The following ANXA1 variants were observed in gnomAD, a reference collection of about 807,000 sequenced individuals.
The protein encoded by ANXA1 is annexin I (lipocortin I).
Under a neutral mutation model 47.9 loss-of-function variants are expected in ANXA1, and 39 were observed. The ratio of observed to expected loss-of-function variants is 0.81; its 90% confidence interval spans 0.63 to 1.06. ANXA1 has a LOEUF of 1.06. ANXA1 is among the 50% of genes least tolerant of loss of function. ANXA1 has a pLI of 0.00. For synonymous variants in ANXA1, 146 were observed against 142.5 expected, an observed-to-expected ratio of 1.02 and a Z score of -0.17; for missense variants, 446 against 422.7, an observed-to-expected ratio of 1.06 and a Z score of -0.48.
In ANXA1 at chr9:73,162,770, C is replaced by A; in HGVS notation, c.476-12C>A. ...CTGGTTTACTATAAAATCTATTTTTCTTTTTTCTCAGAACTGAAGAGAGAT... is the reference window on the plus strand; with the variant it reads ...CTGGTTTACTATAAAATCTATTTTTATTTTTTCTCAGAACTGAAGAGAGAT... On this transcript the variant is annotated splice_polypyrimidine_tract_variant and intron_variant, in intron 6 of 12. Coordinates refer to ENST00000257497, the MANE Select transcript of ANXA1 (RefSeq NM_000700.3). The A allele has an allele frequency of 6.3e-7, 1 of 1,598,330 alleles. No individual in the cohort carries two copies. The highest frequency in any genetic ancestry group is 8.5e-7 in the Non-Finnish European group (1 of 1,170,870).
intron 5 of ANXA1, 26 bp downstream of exon 5, chr9:73,160,402 C>G: frequency 2.0e-6 from 3 of 1,491,276 alleles, no homozygotes; most frequent in Non-Finnish European, 2.7e-6. Flanking sequence ...TGAGCAAACT[C>G]CTTTCCTCAA....
chr9:73,152,772 T>C (rs1160909909), intron 1 of ANXA1, among the ~76,000 whole-genome samples: 1 of 152,192 alleles, frequency 6.6e-6, no homozygotes, highest in African/African-American at 2.4e-5. Context: ...AGAAGAGTAT[T>C]TACTAGTGTT....
intron 1 of ANXA1, among the ~76,000 whole-genome samples, chr9:73,153,028 G>C (rs1010929961): frequency 3.3e-5 from 5 of 152,172 alleles, no homozygotes; most frequent in African/African-American, 1.2e-4. Context: ...GTAGCTGTAA[G>C]AGAATGCACA....
chr9:73,165,323 A>G (rs1824209603), intron 9 of ANXA1, 114 bp downstream of exon 9: 1 of 729,108 alleles, frequency 1.4e-6, no homozygotes, highest in East Asian at 2.8e-5. Flanking sequence ...CTCCTGTATC[A>G]AACAGATACA....
intron 11 of ANXA1, 117 bp from the exon 12 acceptor site, chr9:73,168,915 A>G (rs1824278301): frequency 2.1e-6 from 1 of 480,070 alleles, no homozygotes; most frequent in South Asian, 2.6e-5. Flanking sequence ...GTGTGTGTAT[A>G]GCTAGTTTCT....
At chr9:73,156,128 TA>T (rs1413230360) in intron 1 of ANXA1, among the ~76,000 whole-genome samples, 21 of 145,460 alleles carry the variant, frequency 1.4e-4, no homozygotes, top group East Asian at 1.4e-3. Context: ...TAATAATAAA[TA>T]AATAATAATA....
intron 1 of ANXA1, chr9:73,158,285 T>G (rs1424487090): frequency 2.3e-6 from 1 of 432,450 alleles, no homozygotes; most frequent in Non-Finnish European, 4.3e-6. Context: ...TAGAACTGAA[T>G]ATGCCAAGAA....
rs772091621 is a variant in ANXA1 at position 73,160,310 on chromosome 9, G to C, written c.318G>C (p.Glu106Asp). The C allele has an allele frequency of 4.5e-5, 72 of 1,585,272 alleles. No homozygotes were observed. The highest frequency in any genetic ancestry group is 6.1e-5 in the Non-Finnish European group (71 of 1,171,186). Residue 106 changes from glutamate (E) to aspartate (D), a missense_variant, in exon 5 of 13, where the codon GAG (glutamate) becomes GAC (aspartate). Physicochemically the swap from Glu to Asp is conservative, Grantham distance 45. Coordinates refer to ENST00000257497, the MANE Select transcript of ANXA1 (RefSeq NM_000700.3). ...AAGCCCTTACAGGTCACCTTGAGGA[G>C]GTTGTTTTAGCTCTGCTAAAAACTC... ...LKKALTGHLE[E>D]VVLALLKTPA...
At chr9:73,163,982 T>C (rs1824186499) in intron 8 of ANXA1, among the ~76,000 whole-genome samples, 1 of 152,144 alleles carries the variant, frequency 6.6e-6, no homozygotes, top group African/African-American at 2.4e-5. Context: ...AACAAGAGTA[T>C]AGGATAAATT....
At chr9:73,160,145 TA>T (rs1237679215) in intron 4 of ANXA1, 117 bp from the exon 5 acceptor site, 3 of 587,196 alleles carry the variant, frequency 5.1e-6, no homozygotes, top group Non-Finnish European at 8.7e-6. Flanking sequence ...GAAGAAGCTC[TA>T]AAAGATGGTT....
rs576077015 is a variant in ANXA1, at chr9:73,160,564, C to T, written c.384+188C>T. Among the ~76,000 whole-genome samples, 56 of 152,168 alleles carry T rather than the reference C, an allele frequency of 3.7e-4. No homozygotes were observed. In the Middle Eastern group the frequency reaches 0.014, roughly 37 times the overall value. On this transcript the variant is annotated intron_variant, in intron 5 of 12. Transcript: ENST00000257497. ...AAAACAGAAATGTTGGCACTAACAC[C>T]TTCCATGTCATGTCACTATATGAGT... is the stretch of plus-strand genomic sequence containing the variant.
At position 73,160,837 on chromosome 9, in the gene ANXA1, T is replaced by G. The variant is rs1328675861; in HGVS notation, c.419T>G (p.Ile140Ser). The change falls in exon 6 of 13, where the codon ATT becomes AGT. Residue 140 changes from isoleucine to serine, a missense_variant. Physicochemically the swap from Ile to Ser is moderately radical, Grantham distance 142 (BLOSUM62 -2). Coordinates refer to ENST00000257497, the MANE Select transcript of ANXA1 (RefSeq NM_000700.3). ...ACTGATGAAGATACTCTAATTGAGA[T>G]TTTGGCATCAAGAACTAACAAAGAA... Reference protein sequence around the residue: ...LGTDEDTLIEILASRTNKEIR... With the variant: ...LGTDEDTLIESLASRTNKEIR... 6.2e-7 allele frequency: 1 copy of G among 1,612,604 alleles called. No individual in the cohort carries two copies. The highest frequency in any genetic ancestry group is 1.1e-5 in the South Asian group (1 of 91,032).
At chr9:73,154,988 T>G (rs1313507439) in intron 1 of ANXA1, among the ~76,000 whole-genome samples, 2 of 152,102 alleles carry the variant, frequency 1.3e-5, no homozygotes, top group African/African-American at 4.8e-5. Context: ...TCACAAATTC[T>G]AGATAGAGGT....
At position 73,166,114 on chromosome 9, in the gene ANXA1, AAGTAC is replaced by A; in HGVS notation, c.729_733del (p.Tyr243Ter). The A allele has an allele frequency of 6.2e-7, 1 of 1,609,824 alleles. No homozygotes were observed. Among genetic ancestry groups the A allele is most frequent in the South Asian group, 1.1e-5 (1 of 90,270 alleles). On this transcript the variant is annotated frameshift_variant, in exon 10 of 13. Coordinates refer to ENST00000257497, the MANE Select transcript of ANXA1 (RefSeq NM_000700.3). LOFTEE classifies it high-confidence loss of function. ...ATATTCAGTGTTTCAGAAATACACCAAGTACAGTAAGCATGACATGAACAAAGTTC... is the reference window on the plus strand; with the variant it reads ...ATATTCAGTGTTTCAGAAATACACCAAGTAAGCATGACATGAACAAAGTTC...
chr9:73,166,009 AT>A (rs1409256800), intron 9 of ANXA1, 87 bp from the exon 10 acceptor site: 5 of 936,206 alleles, frequency 5.3e-6, no homozygotes, highest in African/African-American at 5.0e-5. Context: ...ATTCTAAAAA[AT>A]TCTTTGAGTC....
At chr9:73,164,176 A>G (rs1824189524) in intron 8 of ANXA1, among the ~76,000 whole-genome samples, 1 of 152,162 alleles carries the variant, frequency 6.6e-6, no homozygotes, top group Non-Finnish European at 1.5e-5. Flanking sequence ...TATTCTCTAG[A>G]GAATTCATTA....
Position 73,162,763 on chromosome 9 carries a change from T to C in ANXA1, c.476-19T>C, listed in dbSNP as rs773255405. The C allele has an allele frequency of 2.0e-5, 31 of 1,585,028 alleles. No individual in the cohort carries two copies. Among genetic ancestry groups the C allele is most frequent in the Non-Finnish European group, 2.7e-5 (31 of 1,158,552 alleles). On this transcript the variant is annotated intron_variant, in intron 6 of 12. Transcript: ENST00000257497. ...TTCATCACTGGTTTACTATAAAATC[T>C]ATTTTTCTTTTTTCTCAGAACTGAA...
intron 1 of ANXA1, among the ~76,000 whole-genome samples, chr9:73,153,202 A>G (rs1051752148): frequency 1.3e-5 from 2 of 152,202 alleles, no homozygotes; most frequent in African/African-American, 4.8e-5. Flanking sequence ...TTATTAAGGA[A>G]CCAGCCAGAG....
At chr9:73,152,215 C>G (rs1014059078) in intron 1 of ANXA1, among the ~76,000 whole-genome samples, 1 of 152,164 alleles carries the variant, frequency 6.6e-6, no homozygotes, top group South Asian at 2.1e-4. Flanking sequence ...GAAGAATGTG[C>G]TTTCCCTCTG....
Sources: allele counts gnomAD v4.1 joint callset (sites outside exome capture counted in the v4.1 genomes callset), GRCh38; gene constraint gnomAD v4.1.1; transcripts MANE v1.5; gene names NCBI Gene and HGNC (gene_info 2026-07-23, HGNC 2026-07-21).